The following MAP2K6 variants were observed in gnomAD, a reference collection of about 807,000 sequenced individuals.
MAP2K6 encodes the protein dual specificity mitogen-activated protein kinase kinase 6.
Under a neutral mutation model 53.7 loss-of-function variants are expected in MAP2K6, and 16 were observed. That is an observed-to-expected ratio of 0.30 (90% CI 0.20 to 0.45). The LOEUF is 0.45. Among genes scored for constraint, MAP2K6 ranks in the 20% least tolerant of loss-of-function variants. MAP2K6 has a pLI of 1.00. For missense variants in MAP2K6, 204 were observed against 411.9 expected, an observed-to-expected ratio of 0.50 and a Z score of 4.37; for synonymous variants, 132 against 143.1, an observed-to-expected ratio of 0.92 and a Z score of 0.55.
At chr17:69,486,179 G>A (rs949850292) in intron 1 of MAP2K6, among the ~76,000 whole-genome samples, 1 of 152,132 alleles carries the variant, frequency 6.6e-6, no homozygotes, top group Non-Finnish European at 1.5e-5. Flanking sequence ...TCCACGTTGT[G>A]GTACTTGAAG....
chr17:69,466,272 G>A (rs148573899), intron 1 of MAP2K6, among the ~76,000 whole-genome samples: 290 of 149,388 alleles, frequency 1.9e-3, no homozygotes, highest in African/African-American at 6.5e-3. Flanking sequence ...CCTGGGTGAC[G>A]GAGTGAGACT....
intron 1 of MAP2K6, among the ~76,000 whole-genome samples, chr17:69,446,482 A>G (rs1002340866): frequency 6.6e-6 from 1 of 152,216 alleles, no homozygotes; most frequent in South Asian, 2.1e-4. Flanking sequence ...TTCTCCACCA[A>G]TGTTGATAGA....
chr17:69,444,194 T>TC (rs1906902539), intron 1 of MAP2K6, among the ~76,000 whole-genome samples: 1 of 152,128 alleles, frequency 6.6e-6, no homozygotes, highest in African/African-American at 2.4e-5. Flanking sequence ...CTTTTGGGAT[T>TC]CCCCCCTTTC....
At chr17:69,491,135 T>TTC (rs1908734581) in intron 1 of MAP2K6, among the ~76,000 whole-genome samples, 1 of 136,068 alleles carries the variant, frequency 7.3e-6, no homozygotes. Context: ...TTCCTTCCTT[T>TTC]CTTCCTTCCC....
At chr17:69,444,716 A>G (rs1013659262) in intron 1 of MAP2K6, among the ~76,000 whole-genome samples, 2 of 152,186 alleles carry the variant, frequency 1.3e-5, no homozygotes, top group African/African-American at 4.8e-5. Context: ...GAATGCTGGG[A>G]GATGAGTATC....
chr17:69,539,958 G>C (rs1259141736), intron 11 of MAP2K6, among the ~76,000 whole-genome samples: 1 of 152,200 alleles, frequency 6.6e-6, no homozygotes, highest in Admixed American at 6.5e-5. Flanking sequence ...CAGAGCTTCA[G>C]TTGATTTCAT....
At chr17:69,502,090 T>C in intron 1 of MAP2K6, 1 of 832,702 alleles carries the variant, frequency 1.2e-6, no homozygotes, top group Non-Finnish European at 1.4e-6. Context: ...AACATGGTAC[T>C]GTCCAGATTT....
chr17:69,525,763 A>G (rs1598311196), intron 9 of MAP2K6, among the ~76,000 whole-genome samples: 1 of 152,132 alleles, frequency 6.6e-6, no homozygotes, highest in East Asian at 1.9e-4. Flanking sequence ...CTCCCACAAC[A>G]TGTAGGAATT....
rs368679863 is a variant in MAP2K6, at chr17:69,500,270, T to C, written c.17-5510T>C. ...GCCTGGTCAACATGGCGAAACCCCATCTCTACTAAAAATACAAAAATTAGG... is the reference window on the plus strand; with the variant it reads ...GCCTGGTCAACATGGCGAAACCCCACCTCTACTAAAAATACAAAAATTAGG... On this transcript the variant is annotated intron_variant, in intron 1 of 11. Coordinates refer to ENST00000590474, the MANE Select transcript of MAP2K6 (RefSeq NM_002758.4). Among the ~76,000 whole-genome samples the C allele has an allele frequency of 4.0e-5, 6 of 151,626 alleles. No homozygotes were observed. The East Asian group carries it at 9.7e-4, about 25-fold the overall frequency.
At chr17:69,416,067 A>G (rs1398983407) in intron 1 of MAP2K6, among the ~76,000 whole-genome samples, 1 of 152,186 alleles carries the variant, frequency 6.6e-6, no homozygotes, top group East Asian at 1.9e-4. Context: ...GAGAAAGCAT[A>G]TGCCATATGA....
At chr17:69,513,415 T>C (rs965842760) in intron 2 of MAP2K6, among the ~76,000 whole-genome samples, 1 of 152,228 alleles carries the variant, frequency 6.6e-6, no homozygotes, top group African/African-American at 2.4e-5. Context: ...TTGAGTTTTA[T>C]TTTCAGCTCC....
chr17:69,434,838 G>A (rs1194964828), intron 1 of MAP2K6: 3 of 151,908 alleles, frequency 2.0e-5, no homozygotes, highest in Non-Finnish European at 2.9e-5. Context: ...TCCTCTAACC[G>A]CCTTGGGCCT....
chr17:69,522,881 C>T (rs1191884674), intron 7 of MAP2K6, among the ~76,000 whole-genome samples: 1 of 145,630 alleles, frequency 6.9e-6, no homozygotes, highest in East Asian at 2.0e-4. Flanking sequence ...AAAGAGACAT[C>T]CTGTCTGTCA....
At chr17:69,424,296 C>G (rs1906192747) in intron 1 of MAP2K6, among the ~76,000 whole-genome samples, 1 of 152,148 alleles carries the variant, frequency 6.6e-6, no homozygotes, top group Admixed American at 6.5e-5. Context: ...GTAGAATGAG[C>G]CCAGATTTGT....
intron 1 of MAP2K6, among the ~76,000 whole-genome samples, chr17:69,485,863 C>T (rs1908515072): frequency 6.6e-6 from 1 of 152,154 alleles, no homozygotes; most frequent in Non-Finnish European, 1.5e-5. Flanking sequence ...TCAAATTTCC[C>T]ATCATTTTTT....
At chr17:69,495,097 A>AT (rs1216323222) in intron 1 of MAP2K6, among the ~76,000 whole-genome samples, 1 of 87,670 alleles carries the variant, frequency 1.1e-5, no homozygotes, top group East Asian at 3.4e-4. Flanking sequence ...TTACTTCCAC[A>AT]TAAAAAAAAA....
At position 69,551,508 on chromosome 17, in the gene MAP2K6, G is replaced by T. The variant is rs1912099068; in HGVS notation, c.*9755G>T. The T allele has an allele frequency of 1.3e-5, 2 of 152,170 alleles. No individual in the cohort carries two copies. Among genetic ancestry groups the T allele is most frequent in the Admixed American group, 1.3e-4 (2 of 15,270 alleles). 9.4% of individuals were successfully genotyped at this position (152,170 alleles called of 1,614,324 possible). On this transcript the variant is annotated 3_prime_UTR_variant, in exon 12 of 12. Coordinates refer to ENST00000590474, the MANE Select transcript of MAP2K6 (RefSeq NM_002758.4). ...GCCACTAGAGCAAATTTAATAGCTG[G>T]GGTTTCACAGCAACTGTTTTAGAAA...
At chr17:69,518,569 T>G (rs138287987) in intron 4 of MAP2K6, among the ~76,000 whole-genome samples, 2 of 152,330 alleles carry the variant, frequency 1.3e-5, no homozygotes, top group Admixed American at 1.3e-4. Context: ...CATAAAGAAT[T>G]AACATCTCTA....
At position 69,517,637 on chromosome 17, in the gene MAP2K6, G is replaced by A. The variant is rs531218978; in HGVS notation, c.246+24G>A. 34 of 1,530,114 alleles carry A rather than the reference G, an allele frequency of 2.2e-5. No individual in the cohort carries two copies. The South Asian group carries it at 3.0e-4, about 13-fold the overall frequency. 94.8% of individuals were successfully genotyped at this position (1,530,114 alleles called of 1,614,324 possible). A position where few individuals can be genotyped will look rare whatever the true frequency, so the allele number is the denominator to read the frequency against. ...AGGTAGAGTTGACATTCTCCCAAAT[G>A]TTTTATATCTGCTGTGTATACATTT... On this transcript the variant is annotated intron_variant, in intron 4 of 11. Transcript: ENST00000590474.
Sources: gnomAD v4.1 joint callset for allele counts (sites outside exome capture counted in the v4.1 genomes callset) on GRCh38, gnomAD v4.1.1 for gene constraint, MANE v1.5 for transcripts, NCBI Gene and HGNC (gene_info 2026-07-23, HGNC 2026-07-21) for gene names.